Variants in TPX2 observed in about 807,000 individuals in gnomAD.
The protein encoded by TPX2 is targeting protein for Xklp2.
Under a neutral mutation model 93.6 loss-of-function variants are expected in TPX2, and 21 were observed. The ratio of observed to expected loss-of-function variants is 0.22; its 90% confidence interval spans 0.16 to 0.32. TPX2 has a LOEUF of 0.32. Among genes scored for constraint, TPX2 ranks in the 10% least tolerant of loss-of-function variants. The pLI, the probability that TPX2 is intolerant of heterozygous loss-of-function variation, is 1.00. For missense variants in TPX2, 776 were observed against 871.1 expected, an observed-to-expected ratio of 0.89 and a Z score of 1.37; for synonymous variants, 281 against 298.3, an observed-to-expected ratio of 0.94 and a Z score of 0.60.
chr20:31,784,284 G>T (rs1210930354), intron 12 of TPX2, among the ~76,000 whole-genome samples: 2 of 152,180 alleles, frequency 1.3e-5, no homozygotes, highest in African/African-American at 2.4e-5. Flanking sequence ...TGTTGCTATT[G>T]TTGTCATAAT....
At chr20:31,762,421 C>T (rs541225659) in intron 4 of TPX2, among the ~76,000 whole-genome samples, 1 of 152,280 alleles carries the variant, frequency 6.6e-6, no homozygotes, top group Admixed American at 6.5e-5. Flanking sequence ...ACGATCTCGG[C>T]TCACTGCAAC....
At chr20:31,751,992 C>T (rs2061823107) in intron 2 of TPX2, among the ~76,000 whole-genome samples, 1 of 152,208 alleles carries the variant, frequency 6.6e-6, no homozygotes, top group African/African-American at 2.4e-5. Flanking sequence ...ATCCGCCTGC[C>T]TTGGCCTTCC....
chr20:31,783,846 A>G lies in TPX2; in HGVS notation c.1338A>G (p.Ser446=). The change falls in exon 12 of 18, where the codon TCA becomes TCG. Residue 446 remains serine, a synonymous_variant. Transcript: ENST00000300403. ...AGAAAAGAATCCAGGAGCGAGAATC[A>G]AAGAAGAAAACAGAGGATGAACACT... ...EIEKRIQERE[S]KKKTEDEHFE... is the part of the protein sequence containing the mutation. The G allele has an allele frequency of 6.2e-7, 1 of 1,608,786 alleles. No homozygotes were observed. Among genetic ancestry groups the G allele is most frequent in the Non-Finnish European group, 8.5e-7 (1 of 1,178,918 alleles).
At chr20:31,745,837 T>G (rs1247144222) in intron 2 of TPX2, among the ~76,000 whole-genome samples, 1 of 152,224 alleles carries the variant, frequency 6.6e-6, no homozygotes, top group Admixed American at 6.5e-5. Context: ...CCTTTTAGTA[T>G]TTTACAAAGC....
At chr20:31,744,795 C>T (rs968429586) in intron 2 of TPX2, among the ~76,000 whole-genome samples, 1 of 152,088 alleles carries the variant, frequency 6.6e-6, no homozygotes, top group Non-Finnish European at 1.5e-5. Context: ...TAAAAGAATG[C>T]GTATTTTTGG....
rs1009803487 is a variant in TPX2, at chr20:31,770,366, A to G, written c.380A>G (p.Gln127Arg). The G allele has an allele frequency of 1.9e-6, 3 of 1,599,540 alleles. No homozygotes were observed. In the Admixed American group the frequency reaches 5.1e-5, roughly 27 times the overall value. ...PQRRSLRLSA[Q>R]KDLEQKEKHH... ...AGAAGATCTCTTAGGCTTTCTGCTC[A>G]GAAGGATTTGGAACAGAAAGAAAAG... Residue 127 changes from glutamine (Q) to arginine (R), a missense_variant, in exon 6 of 18, where the codon CAG becomes CGG. This residue lies in a region of TPX2 where 279 missense variants were observed against 261.6 expected (regional missense o/e 1.07). Transcript: ENST00000300403.
intron 17 of TPX2, 67 bp from the exon 18 acceptor site, chr20:31,800,903 A>C (rs2062167129): frequency 1.5e-6 from 2 of 1,322,174 alleles, no homozygotes; most frequent in African/African-American, 1.5e-5. Flanking sequence ...AAAAGAAAAA[A>C]ATAAAAGCAA....
At chr20:31,752,752 A>G (rs554974642) in intron 2 of TPX2, among the ~76,000 whole-genome samples, 2 of 152,188 alleles carry the variant, frequency 1.3e-5, no homozygotes, top group African/African-American at 2.4e-5. Context: ...AGCTAGGACT[A>G]TAGGTGACCG....
Position 31,801,273 on chromosome 20 carries a change from G to T in TPX2, c.*193G>T. The T allele has an allele frequency of 1.8e-6, 1 of 548,344 alleles. No homozygotes were observed. The highest frequency in any genetic ancestry group is 3.3e-6 in the Non-Finnish European group (1 of 305,610). The allele number at this position is 548,344 out of a possible 1,614,324, so 34.0% of individuals were successfully genotyped here. ...GAGAATTGTTTTCTTACATTACTAA[G>T]GCTAATAATGAGATGTAACTCATGA... On this transcript the variant is annotated 3_prime_UTR_variant, in exon 18 of 18. Transcript: ENST00000300403.
At chr20:31,789,683 C>A (rs1225660867) in intron 12 of TPX2, among the ~76,000 whole-genome samples, 1 of 151,870 alleles carries the variant, frequency 6.6e-6, no homozygotes, top group African/African-American at 2.4e-5. Flanking sequence ...CTAATCGAGC[C>A]CCTAGTTAAC....
chr20:31,757,323 T>C, intron 2 of TPX2, 84 bp from the exon 3 acceptor site: 2 of 630,770 alleles, frequency 3.2e-6, no homozygotes, highest in Non-Finnish European at 2.8e-6. Context: ...TTCTAGGTGG[T>C]TTGCAAAATT....
Position 31,777,508 on chromosome 20 carries a change from T to G in TPX2, c.752T>G (p.Val251Gly), listed in dbSNP as rs559524892. 3 of 1,614,054 alleles carry G rather than the reference T, an allele frequency of 1.9e-6. No individual in the cohort carries two copies. In the Admixed American group the frequency reaches 5.0e-5, roughly 27 times the overall value. Reference protein sequence around the residue: ...AGIGQPVKKSVSQVTKSVDFH... With the variant: ...AGIGQPVKKSGSQVTKSVDFH... ...TCAGGGCAACCTGTGAAGAAATCAG[T>G]GAGCCAGGTCACCAAATCAGTTGAC... Residue 251 changes from valine (V) to glycine (G), a missense_variant, in exon 9 of 18, where the codon GTG (valine) becomes GGG (glycine). Transcript: ENST00000300403.
Position 31,782,178 on chromosome 20 carries a change from A to G in TPX2, c.1055-71A>G, listed in dbSNP as rs1033283257. 15 of 1,537,130 alleles carry G rather than the reference A, an allele frequency of 9.8e-6. No homozygotes were observed. The African/African-American group carries it at 1.4e-4, about 14-fold the overall frequency. On this transcript the variant is annotated intron_variant, in intron 10 of 17. Transcript: ENST00000300403. The stretch of plus-strand genomic sequence containing the variant: ...TGGTTTATCCCTCTCTGGGCTACAT[A>G]GGTGAATCACCACTTACAAGTAAAC...
Position 31,777,651 on chromosome 20 carries a change from A to G in TPX2, c.882+13A>G, listed in dbSNP as rs1343130570. 6.2e-7 allele frequency: 1 copy of G among 1,609,094 alleles called. No homozygotes were observed. The highest frequency in any genetic ancestry group is 8.5e-7 in the Non-Finnish European group (1 of 1,176,292). ...TCCTTCATCTCCTGTAAGTTGATGG[A>G]CTAAATGAACATTTCTGTTACTAAT... On this transcript the variant is annotated intron_variant, in intron 9 of 17. Transcript: ENST00000300403.
chr20:31,781,060 T>G, intron 10 of TPX2: 1 of 249,412 alleles, frequency 4.0e-6, no homozygotes, highest in Non-Finnish European at 8.0e-6. Flanking sequence ...ATTGGGACTA[T>G]ATATAGGTGC....
At chr20:31,787,873 A>G (rs1212113386) in intron 12 of TPX2, among the ~76,000 whole-genome samples, 2 of 152,164 alleles carry the variant, frequency 1.3e-5, no homozygotes, top group African/African-American at 4.8e-5. Context: ...ATCAATTTAT[A>G]TTGTCAGGGT....
chr20:31,790,329 G>T (rs2062092725), intron 12 of TPX2, among the ~76,000 whole-genome samples: 1 of 152,192 alleles, frequency 6.6e-6, no homozygotes, highest in Non-Finnish European at 1.5e-5. Context: ...TCCAATGATT[G>T]TGATACTGCA....
At chr20:31,750,248 C>G (rs1001287312) in intron 2 of TPX2, among the ~76,000 whole-genome samples, 5 of 152,036 alleles carry the variant, frequency 3.3e-5, no homozygotes, top group Admixed American at 1.3e-4. Flanking sequence ...ACCTCCACCC[C>G]CCAGGTTCAA....
intron 1 of TPX2, among the ~76,000 whole-genome samples, chr20:31,740,844 C>T (rs968625322): frequency 3.3e-5 from 5 of 152,094 alleles, no homozygotes; most frequent in Admixed American, 6.6e-5. Context: ...TGAAACAATC[C>T]TAGTGCATAG....
Sources: allele counts gnomAD v4.1 joint callset (sites outside exome capture counted in the v4.1 genomes callset), GRCh38; gene constraint gnomAD v4.1.1; regional missense constraint gnomAD v4.1.1; transcripts MANE v1.5; gene names NCBI Gene and HGNC (gene_info 2026-07-23, HGNC 2026-07-21).